The following EYA4 variants were observed in gnomAD, a reference collection of about 807,000 sequenced individuals.
The protein encoded by EYA4 is EYA transcriptional coactivator and phosphatase 4.
Under a neutral mutation model 87.9 loss-of-function variants are expected in EYA4, and 31 were observed. The ratio of observed to expected loss-of-function variants is 0.35; its 90% CI spans 0.27 to 0.48. The LOEUF is 0.48. EYA4 is among the 20% of genes least tolerant of loss of function. EYA4 has a pLI of 0.99. For synonymous variants in EYA4, 263 were observed against 270.6 expected, an observed-to-expected ratio of 0.97 and a Z score of 0.28; for missense variants, 678 against 761.4, an observed-to-expected ratio of 0.89 and a Z score of 1.29.
intron 13 of EYA4, among the ~76,000 whole-genome samples, chr6:133,493,959 C>T (rs1379326590): frequency 2.0e-5 from 3 of 152,118 alleles, no homozygotes; most frequent in Admixed American, 1.3e-4. Context: ...AAAGGGAACC[C>T]TCATACACCG....
At chr6:133,525,019 G>A (rs1800508526) in intron 18 of EYA4, 135 bp from the exon 19 acceptor site, 1 of 1,613,310 alleles carries the variant, frequency 6.2e-7, no homozygotes, top group Non-Finnish European at 8.5e-7. Flanking sequence ...TTTCAGGCAA[G>A]GAAAGCTGTT....
chr6:133,319,634 A>T (rs374964686), intron 2 of EYA4, among the ~76,000 whole-genome samples: 1 of 151,760 alleles, frequency 6.6e-6, no homozygotes, highest in Non-Finnish European at 1.5e-5. Flanking sequence ...GTTCTCGCTT[A>T]AAAAAATTGT....
chr6:133,385,159 C>T (rs892284113), intron 3 of EYA4, among the ~76,000 whole-genome samples: 5 of 151,514 alleles, frequency 3.3e-5, no homozygotes, highest in Non-Finnish European at 5.9e-5. Flanking sequence ...ATTAGCCAGG[C>T]GTGGTGGCAG....
At chr6:133,436,223 GAA>G (rs537669152) in intron 3 of EYA4, among the ~76,000 whole-genome samples, 11 of 133,444 alleles carry the variant, frequency 8.2e-5, no homozygotes, top group African/African-American at 8.2e-5. Flanking sequence ...CCGTCTTGAG[GAA>G]AAAAAAAAAA....
intron 1 of EYA4, among the ~76,000 whole-genome samples, chr6:133,249,519 A>G (rs980190827): frequency 2.0e-5 from 3 of 152,188 alleles, no homozygotes; most frequent in African/African-American, 7.2e-5. Flanking sequence ...TCTGCAGGGA[A>G]GATAACCCTT....
chr6:133,283,834 C>T (rs1040385907), intron 2 of EYA4, among the ~76,000 whole-genome samples: 1 of 152,156 alleles, frequency 6.6e-6, no homozygotes, highest in Non-Finnish European at 1.5e-5. Context: ...CCCACCTGCC[C>T]ACCCTTCTCC....
At chr6:133,462,002 T>C (rs899221257) in intron 7 of EYA4, 1 of 369,304 alleles carries the variant, frequency 2.7e-6, no homozygotes, top group Admixed American at 3.9e-5. Flanking sequence ...TCCATTTTCC[T>C]CATCTGTGTA....
chr6:133,469,095 T>C (rs1251940030), intron 11 of EYA4, among the ~76,000 whole-genome samples: 5 of 152,046 alleles, frequency 3.3e-5, no homozygotes, highest in Non-Finnish European at 7.4e-5. Context: ...CCTTTGTAAG[T>C]TGTCAGTAGC....
chr6:133,342,151 T>A (rs1782830536), intron 2 of EYA4, among the ~76,000 whole-genome samples: 1 of 151,810 alleles, frequency 6.6e-6, no homozygotes, highest in Non-Finnish European at 1.5e-5. Context: ...AGACAGTGAG[T>A]TGAAATTGAG....
intron 2 of EYA4, among the ~76,000 whole-genome samples, chr6:133,354,449 T>C (rs746139587): frequency 6.6e-6 from 1 of 152,156 alleles, no homozygotes; most frequent in Non-Finnish European, 1.5e-5. Context: ...AGCTACTGTT[T>C]CCCGAATGTT....
chr6:133,394,937 T>C (rs935551848), intron 3 of EYA4, among the ~76,000 whole-genome samples: 6 of 152,230 alleles, frequency 3.9e-5, no homozygotes, highest in African/African-American at 1.4e-4. Context: ...TGATTCTCAC[T>C]AGTGTTGGTC....
At chr6:133,338,020 T>C (rs1582999046) in intron 2 of EYA4, among the ~76,000 whole-genome samples, 2 of 152,122 alleles carry the variant, frequency 1.3e-5, no homozygotes, top group African/African-American at 4.8e-5. Context: ...ATGCATAGGG[T>C]GAAGCAAGTA....
At chr6:133,467,782 A>G (rs560934805) in intron 10 of EYA4, among the ~76,000 whole-genome samples, 4 of 151,986 alleles carry the variant, frequency 2.6e-5, no homozygotes, top group Non-Finnish European at 5.9e-5. Context: ...GGGCTGACAC[A>G]TGCTAGATAT....
At chr6:133,502,460 T>C (rs1798217650) in intron 13 of EYA4, 2 of 152,190 alleles carry the variant, frequency 1.3e-5, no homozygotes, top group Admixed American at 1.3e-4. Context: ...TCCAGAAGTA[T>C]GTTTCATTCT....
chr6:133,502,072 ACTCTCTCTCT>A (rs767862152), intron 13 of EYA4, among the ~76,000 whole-genome samples: 70 of 120,060 alleles, frequency 5.8e-4, no homozygotes, highest in South Asian at 5.6e-3. Flanking sequence ...TCTCTCTCTC[ACTCTCTCTCT>A]CTCTCTATTC....
chr6:133,490,059 G>A lies in EYA4; in HGVS notation c.1191+6944G>A, dbSNP rs138007366. Among the ~76,000 whole-genome samples, 5 of 152,120 alleles carry A rather than the reference G, an allele frequency of 3.3e-5. No homozygotes were observed. The East Asian group carries it at 9.6e-4, about 29-fold the overall frequency. ...GTTTTTAATTAGTTTTCTCTTTGCT[G>A]GTTTGTTAGTTTGTTGGTTTATGCA... On this transcript the variant is annotated intron_variant, in intron 13 of 19. Transcript: ENST00000355286.
rs112783893 is a variant in EYA4 at position 133,398,122 on chromosome 6, G to A, written c.83+15681G>A. ...AGATAAAACTGGAAAAAAGAAAAGG[G>A]GGGGAGGACAGTGCAAGATATCAGC... On this transcript the variant is annotated intron_variant, in intron 3 of 19. Coordinates refer to ENST00000355286, the MANE Select transcript of EYA4 (RefSeq NM_004100.5). Among the ~76,000 whole-genome samples the A allele has an allele frequency of 8.0e-3, 1,219 of 152,288 alleles. 18 individuals carry two copies. The highest frequency in any genetic ancestry group is 0.028 in the African/African-American group (1,153 of 41,552).
intron 2 of EYA4, among the ~76,000 whole-genome samples, chr6:133,351,304 C>A (rs1285601185): frequency 6.6e-6 from 1 of 152,180 alleles, no homozygotes; most frequent in African/African-American, 2.4e-5. Flanking sequence ...TCTTCTAGCT[C>A]CCTGTAAACT....
intron 9 of EYA4, 45 bp from the exon 10 acceptor site, chr6:133,464,732 ATT>A: frequency 8.6e-7 from 1 of 1,167,098 alleles, no homozygotes. Context: ...TATCTTTATC[ATT>A]TTACAAGGAA....
Sources: gnomAD v4.1 joint callset for allele counts (sites outside exome capture counted in the v4.1 genomes callset) on GRCh38, gnomAD v4.1.1 for gene constraint, MANE v1.5 for transcripts, NCBI Gene and HGNC (gene_info 2026-07-23, HGNC 2026-07-21) for gene names.